Variants in CHST11 observed in about 807,000 individuals in gnomAD.
CHST11 encodes carbohydrate sulfotransferase 11, also known as C4S-1.
CHST11 carries 9 observed loss-of-function variants against 30.4 expected under a neutral mutation model. The ratio of observed to expected loss-of-function variants is 0.30; its 90% CI spans 0.18 to 0.52. The LOEUF (loss-of-function observed/expected upper bound fraction) is 0.52, where lower values mean the gene tolerates loss of function less well. Ranked by LOEUF, CHST11 falls within the 20% of genes least tolerant of loss-of-function variation. The pLI is 0.97. For synonymous variants in CHST11, 152 were observed against 187.8 expected (o/e 0.81, Z 1.56); for missense variants, 348 against 460.6 (o/e 0.76, Z 2.24).
intron 2 of CHST11, among the ~76,000 whole-genome samples, chr12:104,671,262 T>G (rs1031597621): frequency 6.6e-6 from 1 of 152,204 alleles, no homozygotes; most frequent in African/African-American, 2.4e-5. Flanking sequence ...CCCGTGATCC[T>G]AAGCATGGGG....
chr12:104,711,493 G>T (rs2040087476), intron 2 of CHST11, among the ~76,000 whole-genome samples: 2 of 151,906 alleles, frequency 1.3e-5, no homozygotes, highest in Non-Finnish European at 2.9e-5. Context: ...GTCCTTAATG[G>T]CGATTTCCCA....
chr12:104,464,956 T>C (rs974420231), intron 1 of CHST11, among the ~76,000 whole-genome samples: 8 of 152,212 alleles, frequency 5.3e-5, no homozygotes, highest in African/African-American at 1.9e-4. Context: ...AACATATTTT[T>C]TTCACATTTT....
Position 104,757,333 on chromosome 12 carries a change from C to G in CHST11, c.589C>G (p.Arg197Gly). ...EPFERLVSAYRNKFTQKYNIS... is the reference protein window; with the variant it reads ...EPFERLVSAYGNKFTQKYNIS... ...CTTCGAGAGGCTAGTGTCCGCCTAC[C>G]GCAACAAGTTCACCCAGAAGTACAA... Residue 197 changes from arginine to glycine, a missense_variant, in exon 3 of 3, where the codon CGC becomes GGC. Arg to Gly is a moderately radical substitution (Grantham distance 125). This residue lies in a region of CHST11 where 210 missense variants were observed against 287.2 expected (regional missense o/e 0.73). Transcript: ENST00000303694. This position sits in a 1 kb window ranked among gnomAD's most constrained non-coding sequence, Gnocchi z 6.5. The G allele has an allele frequency of 6.2e-7, 1 of 1,614,104 alleles. No individual in the cohort carries two copies. The highest frequency in any genetic ancestry group is 8.5e-7 in the Non-Finnish European group (1 of 1,180,032).
chr12:104,469,913 T>C (rs1459824459), intron 1 of CHST11, among the ~76,000 whole-genome samples: 1 of 152,254 alleles, frequency 6.6e-6, no homozygotes, highest in Non-Finnish European at 1.5e-5. Flanking sequence ...TCTTTACAAG[T>C]TGAAAAAGTT....
chr12:104,500,413 A>C (rs2037841661), intron 1 of CHST11, among the ~76,000 whole-genome samples: 1 of 152,198 alleles, frequency 6.6e-6, no homozygotes, highest in Non-Finnish European at 1.5e-5. Context: ...CACGTAGCTA[A>C]TCAGGGGACA....
rs188907501 is a variant in CHST11 at position 104,658,572 on chromosome 12, C to T, written c.204+56581C>T. On this transcript the variant is annotated intron_variant, in intron 2 of 2. Transcript: ENST00000303694. ...TTAATTCATGACAGCGTGTACCTTACATTCCATGGTGTTTATCTGGAGAGG... is the reference window on the plus strand; with the variant it reads ...TTAATTCATGACAGCGTGTACCTTATATTCCATGGTGTTTATCTGGAGAGG... Among the ~76,000 whole-genome samples, 12 of 152,326 alleles carry T rather than the reference C, an allele frequency of 7.9e-5. No individual in the cohort carries two copies. The East Asian group carries it at 2.1e-3, about 27-fold the overall frequency.
intron 1 of CHST11, among the ~76,000 whole-genome samples, chr12:104,488,577 GTGTGTATGTA>G (rs2037710276): frequency 7.4e-6 from 1 of 134,328 alleles, no homozygotes; most frequent in African/African-American, 2.5e-5. Flanking sequence ...GTGTGTATGT[GTGTGTATGTA>G]TGCGTATGTA....
intron 2 of CHST11, among the ~76,000 whole-genome samples, chr12:104,663,706 G>A (rs919886800): frequency 6.6e-6 from 1 of 152,162 alleles, no homozygotes; most frequent in Admixed American, 6.5e-5. Context: ...TGCCGTTGTA[G>A]AGAGCTGTGC....
chr12:104,677,782 G>A (rs1449754124), intron 2 of CHST11, among the ~76,000 whole-genome samples: 2 of 152,248 alleles, frequency 1.3e-5, no homozygotes, highest in Non-Finnish European at 2.9e-5. Context: ...CAATGGCAGA[G>A]GGCTAGATGA....
chr12:104,674,158 C>T (rs967735583), intron 2 of CHST11, among the ~76,000 whole-genome samples: 1 of 152,126 alleles, frequency 6.6e-6, no homozygotes, highest in African/African-American at 2.4e-5. Context: ...TTTGTTAATA[C>T]AGAATCAAAC....
At chr12:104,744,864 TA>T (rs2040377278) in intron 2 of CHST11, among the ~76,000 whole-genome samples, 2 of 150,880 alleles carry the variant, frequency 1.3e-5, no homozygotes, top group Non-Finnish European at 3.0e-5. Flanking sequence ...TTTATTTATT[TA>T]TTTATTTATT....
intron 2 of CHST11, among the ~76,000 whole-genome samples, chr12:104,710,203 CA>C (rs34581324): frequency 0.01 from 1,586 of 151,918 alleles, 32 homozygotes; most frequent in African/African-American, 0.036. Flanking sequence ...CTGTCTCAAA[CA>C]AAAAAAGAAG....
intron 2 of CHST11, among the ~76,000 whole-genome samples, chr12:104,688,726 G>A (rs1168723546): frequency 6.6e-6 from 1 of 152,132 alleles, no homozygotes; most frequent in Non-Finnish European, 1.5e-5. Context: ...CCAAAATAGG[G>A]GTGTGGTTAA....
intron 2 of CHST11, among the ~76,000 whole-genome samples, chr12:104,744,358 T>C (rs1452458296): frequency 3.3e-5 from 5 of 152,258 alleles, no homozygotes; most frequent in African/African-American, 1.2e-4. Context: ...TGATCAGTGA[T>C]GCGGAACTTT....
At chr12:104,705,874 C>G (rs1257385216) in intron 2 of CHST11, among the ~76,000 whole-genome samples, 1 of 150,692 alleles carries the variant, frequency 6.6e-6, no homozygotes, top group Non-Finnish European at 1.5e-5. Flanking sequence ...GAGCCAAGAT[C>G]GCACCACTGC....
chr12:104,693,647 G>A lies in CHST11; in HGVS notation c.205-63302G>A, dbSNP rs1027844791. Among the ~76,000 whole-genome samples the A allele has an allele frequency of 1.3e-4, 20 of 152,328 alleles. 1 individual carries two copies. Among genetic ancestry groups the A allele is most frequent in the Admixed American group, 9.2e-4 (14 of 15,298 alleles). On this transcript the variant is annotated intron_variant, in intron 2 of 2. Coordinates refer to ENST00000303694, the MANE Select transcript of CHST11 (RefSeq NM_018413.6). ...GGACATGGGGGTTTTAAGGGACCAT[G>A]AGAAGTTGGGAGCACAGAGAAGGGC...
intron 2 of CHST11, among the ~76,000 whole-genome samples, chr12:104,697,200 G>A (rs753016638): frequency 7.9e-5 from 12 of 152,176 alleles, no homozygotes; most frequent in Admixed American, 6.5e-4. Context: ...TCACTGCTTC[G>A]TGTTGACATA....
chr12:104,692,156 G>A (rs1001489423), intron 2 of CHST11, among the ~76,000 whole-genome samples: 59 of 152,326 alleles, frequency 3.9e-4, no homozygotes, highest in African/African-American at 1.3e-3. Flanking sequence ...CCCCAAAGCA[G>A]CTCCTGTTCA....
In CHST11 at chr12:104,757,903, C is replaced by A; in HGVS notation, c.*100C>A. ...TGGGTTATTTTGTAAATTAATATTT[C>A]TTTGGGGATGATGCTGCGAGCAGCA... On this transcript the variant is annotated 3_prime_UTR_variant, in exon 3 of 3. Transcript: ENST00000303694. This position sits in a 1 kb window ranked among gnomAD's most constrained non-coding sequence, Gnocchi z 6.5. 8.0e-7 allele frequency: 1 copy of A among 1,245,960 alleles called. No individual in the cohort carries two copies. The highest frequency in any genetic ancestry group is 1.1e-6 in the Non-Finnish European group (1 of 908,262). 77.2% of individuals were successfully genotyped at this position (1,245,960 alleles called of 1,614,324 possible). A position where few individuals can be genotyped will look rare whatever the true frequency, so the allele number is the denominator to read the frequency against.
Sources: allele counts gnomAD v4.1 joint callset (sites outside exome capture counted in the v4.1 genomes callset), GRCh38; gene constraint gnomAD v4.1.1; regional missense constraint gnomAD v4.1.1; non-coding constraint Gnocchi (gnomAD v3.1); transcripts MANE v1.5; gene names NCBI Gene and HGNC (gene_info 2026-07-23, HGNC 2026-07-21).